TAS2R1: variants seen among roughly 807,000 people sequenced by gnomAD.
TAS2R1 encodes taste 2 receptor member 1, also known as taste receptor type 2 member 1.
For synonymous variants in TAS2R1, 141 were observed against 134.2 expected, an observed-to-expected ratio of 1.05 and a Z score of -0.35; for missense variants, 370 against 353.4, an observed-to-expected ratio of 1.05 and a Z score of -0.38.
the TAS2R1 span, among the ~76,000 whole-genome samples, chr5:9,822,556 A>G: frequency 6.6e-6 from 1 of 152,046 alleles, no homozygotes; most frequent in South Asian, 2.1e-4. Context: ...TCACTGTGTT[A>G]GCCAGGATGC....
the TAS2R1 span, among the ~76,000 whole-genome samples, chr5:9,893,700 A>T: frequency 0.052 from 7,966 of 152,254 alleles, 280 homozygotes; most frequent in Admixed American, 0.095. Flanking sequence ...AAGGACTTCT[A>T]TGCAAATACC....
rs141123801 is a variant in TAS2R1 at position 9,710,252 on chromosome 5, T to C, written c.-242+1920A>G. Among the ~76,000 whole-genome samples the C allele has an allele frequency of 2.8e-3, 424 of 152,116 alleles. 2 individuals carry two copies. The highest frequency in any genetic ancestry group is 6.9e-3 in the Middle Eastern group (2 of 290). On this transcript the variant is annotated intron_variant, in intron 1 of 2. Transcript: ENST00000506620. ...CTCACTGAGAGGATTGGCTGTCTCC[T>C]TTACAAAGAGTATGCTCTCCAACTT...
At chr5:9,832,115 T>G in the TAS2R1 span, among the ~76,000 whole-genome samples, 1 of 152,226 alleles carries the variant, frequency 6.6e-6, no homozygotes, top group African/African-American at 2.4e-5. Context: ...GTGTCTTTGA[T>G]CTGCTGACCA....
chr5:9,709,162 G>A (rs190565906), intron 1 of TAS2R1, among the ~76,000 whole-genome samples: 6 of 144,970 alleles, frequency 4.1e-5, no homozygotes, highest in East Asian at 2.0e-4. Context: ...TGCACATTCC[G>A]CACATGTATC....
At chr5:9,765,815 T>A in the TAS2R1 span, 1 of 152,220 alleles carries the variant, frequency 6.6e-6, no homozygotes, top group Non-Finnish European at 1.5e-5. Flanking sequence ...CTGGAATAAC[T>A]TTAGAGCATA....
the TAS2R1 span, among the ~76,000 whole-genome samples, chr5:9,822,214 C>T: frequency 8.1e-4 from 123 of 152,236 alleles, no homozygotes; most frequent in Non-Finnish European, 5.9e-4. Context: ...TTTTCTGATA[C>T]TGATTATCAG....
intron 1 of TAS2R1, among the ~76,000 whole-genome samples, chr5:9,700,285 T>C (rs1741451737): frequency 6.6e-6 from 1 of 152,176 alleles, no homozygotes; most frequent in African/African-American, 2.4e-5. Context: ...TATGAAATAA[T>C]GAGGTTTCCA....
intron 2 of TAS2R1, among the ~76,000 whole-genome samples, chr5:9,655,442 CTTAGT>C (rs1406684281): frequency 2.6e-5 from 4 of 151,830 alleles, no homozygotes; most frequent in Non-Finnish European, 5.9e-5. Flanking sequence ...GACTATGAGA[CTTAGT>C]TTAGTTTAAT....
chr5:9,703,620 C>A (rs80029935), intron 1 of TAS2R1, among the ~76,000 whole-genome samples: 3,858 of 152,156 alleles, frequency 0.025, 123 homozygotes, highest in African/African-American at 0.087. Flanking sequence ...CTATGAGGAC[C>A]AGCCTTTGAG....
At chr5:9,853,819 C>T in the TAS2R1 span, among the ~76,000 whole-genome samples, 1 of 152,110 alleles carries the variant, frequency 6.6e-6, no homozygotes, top group East Asian at 1.9e-4. Context: ...AGGATCACAA[C>T]AAGAAAAGGC....
chr5:9,902,631 A>G, the TAS2R1 span: 1 of 152,084 alleles, frequency 6.6e-6, no homozygotes, highest in African/African-American at 2.4e-5. Flanking sequence ...AGACAGGCAG[A>G]TACTAAAAAT....
intron 2 of TAS2R1, among the ~76,000 whole-genome samples, chr5:9,636,889 C>T (rs1739974341): frequency 6.6e-6 from 1 of 151,866 alleles, no homozygotes; most frequent in Admixed American, 6.6e-5. Flanking sequence ...CATTCTGGGT[C>T]TTTTAAGTGA....
the TAS2R1 span, among the ~76,000 whole-genome samples, chr5:9,787,355 T>C: frequency 5.3e-4 from 81 of 152,208 alleles, no homozygotes; most frequent in Non-Finnish European, 1.0e-3. Context: ...TTGAACTCAT[T>C]CCATCTAATA....
At chr5:9,648,189 G>A (rs1740234109) in intron 2 of TAS2R1, among the ~76,000 whole-genome samples, 1 of 152,096 alleles carries the variant, frequency 6.6e-6, no homozygotes, top group Admixed American at 6.6e-5. Context: ...AGAGAAAAAT[G>A]TGATCTTAAT....
At chr5:9,891,966 G>A in the TAS2R1 span, among the ~76,000 whole-genome samples, 1 of 152,106 alleles carries the variant, frequency 6.6e-6, no homozygotes, top group South Asian at 2.1e-4. Context: ...GACCCCATGG[G>A]CTGGCCCAAG....
chr5:9,639,048 C>T (rs1280249929), intron 2 of TAS2R1, among the ~76,000 whole-genome samples: 1 of 152,190 alleles, frequency 6.6e-6, no homozygotes, highest in Non-Finnish European at 1.5e-5. Flanking sequence ...CCCCTCTCCA[C>T]TGCCCGCTCC....
chr5:9,808,648 G>T, the TAS2R1 span, among the ~76,000 whole-genome samples: 1 of 152,118 alleles, frequency 6.6e-6, no homozygotes, highest in Non-Finnish European at 1.5e-5. Flanking sequence ...TTGACAAGTA[G>T]TATGAAAAGA....
chr5:9,678,334 G>A (rs182524476), intron 1 of TAS2R1, among the ~76,000 whole-genome samples: 283 of 152,270 alleles, frequency 1.9e-3, no homozygotes, highest in Non-Finnish European at 3.0e-3. Flanking sequence ...CTGTTGGTGG[G>A]AATGTAAATT....
upstream of TAS2R1, chr5:9,713,263 A>C (rs995322949): frequency 1.3e-5 from 2 of 152,222 alleles, no homozygotes; most frequent in Non-Finnish European, 2.9e-5. Context: ...CCAACGTGTT[A>C]TTACTGAGGA....
Sources: allele counts gnomAD v4.1 joint callset (sites outside exome capture counted in the v4.1 genomes callset), GRCh38; gene constraint gnomAD v4.1.1; transcripts MANE v1.5; gene names NCBI Gene and HGNC (gene_info 2026-07-23, HGNC 2026-07-21).